PCDH9: variants seen among roughly 807,000 people sequenced by gnomAD.
PCDH9 encodes the protein protocadherin-9.
In PCDH9, 24 loss-of-function variants were observed where a neutral mutation model predicts 70.6. The observed-to-expected ratio is 0.34, with a 90% CI of 0.25 to 0.48. The LOEUF (loss-of-function observed/expected upper bound fraction) is 0.48. Ranked by LOEUF, PCDH9 falls within the 20% of genes least tolerant of loss-of-function variation. PCDH9 has a pLI of 0.99. For missense variants in PCDH9, 1,281 were observed against 1,503.6 expected, an observed-to-expected ratio of 0.85 and a Z score of 2.45; for synonymous variants, 562 against 558.5, an observed-to-expected ratio of 1.01 and a Z score of -0.09.
intron 3 of PCDH9, among the ~76,000 whole-genome samples, chr13:66,712,600 AG>A (rs1483450126): frequency 1.3e-5 from 2 of 152,192 alleles, no homozygotes; most frequent in Non-Finnish European, 2.9e-5. Context: ...GGCAATGCCA[AG>A]CTTCAAAGAA....
intron 2 of PCDH9, among the ~76,000 whole-genome samples, chr13:67,156,737 C>A (rs1282330402): frequency 6.6e-6 from 1 of 152,026 alleles, no homozygotes; most frequent in East Asian, 1.9e-4. Context: ...TTAACACAAG[C>A]CTATAGATGG....
At chr13:66,565,548 T>C (rs2076640836) in intron 4 of PCDH9, among the ~76,000 whole-genome samples, 1 of 152,224 alleles carries the variant, frequency 6.6e-6, no homozygotes, top group South Asian at 2.1e-4. Context: ...GAAATTTATC[T>C]CAATCTTAGA....
Position 66,689,716 on chromosome 13 carries a change from T to G in PCDH9, c.3139-58305A>C, listed in dbSNP as rs540132693. ...ACCTCAAAAAGGTATCTTCGGGTGTTGACTTTCAAATCAAATTTTAATAGA... is the reference window on the plus strand; with the variant it reads ...ACCTCAAAAAGGTATCTTCGGGTGTGGACTTTCAAATCAAATTTTAATAGA... On this transcript the variant is annotated intron_variant, in intron 3 of 4. Transcript: ENST00000377865. Among the ~76,000 whole-genome samples, 234 of 152,206 alleles carry G rather than the reference T, an allele frequency of 1.5e-3. 1 individual carries two copies. The highest frequency in any genetic ancestry group is 8.3e-4 in the South Asian group (4 of 4,824).
intron 2 of PCDH9, among the ~76,000 whole-genome samples, chr13:67,031,059 A>G (rs550938022): frequency 2.0e-5 from 3 of 152,326 alleles, no homozygotes; most frequent in East Asian, 1.9e-4. Flanking sequence ...TTGTATTCAA[A>G]GCATAAGTGA....
intron 3 of PCDH9, among the ~76,000 whole-genome samples, chr13:66,747,546 A>G (rs954962425): frequency 6.6e-6 from 1 of 152,182 alleles, no homozygotes; most frequent in African/African-American, 2.4e-5. Context: ...TAGATTATAC[A>G]TGAAATGCAA....
chr13:66,348,209 G>A (rs1956240045), intron 4 of PCDH9, among the ~76,000 whole-genome samples: 2 of 151,586 alleles, frequency 1.3e-5, no homozygotes, highest in African/African-American at 4.9e-5. Flanking sequence ...GGGTCTTCTA[G>A]GCTTACCAGC....
At chr13:67,138,064 G>A (rs1226778354) in intron 2 of PCDH9, among the ~76,000 whole-genome samples, 2 of 151,738 alleles carry the variant, frequency 1.3e-5, no homozygotes, top group African/African-American at 2.4e-5. Context: ...AGCAGACTGG[G>A]AAGAAGTCCA....
chr13:66,695,313 C>A (rs977793114), intron 3 of PCDH9, among the ~76,000 whole-genome samples: 1 of 152,184 alleles, frequency 6.6e-6, no homozygotes, highest in Non-Finnish European at 1.5e-5. Context: ...GTGACACTGT[C>A]TATTTTCAAT....
At chr13:66,876,447 T>A (rs541244812) in intron 3 of PCDH9, among the ~76,000 whole-genome samples, 102 of 152,240 alleles carry the variant, frequency 6.7e-4, no homozygotes, top group Non-Finnish European at 1.3e-3. Context: ...AAATCCGATT[T>A]ATTGACTCTA....
At chr13:66,847,979 T>C (rs1304150053) in intron 3 of PCDH9, among the ~76,000 whole-genome samples, 27 of 152,180 alleles carry the variant, frequency 1.8e-4, no homozygotes, top group Non-Finnish European at 3.8e-4. Flanking sequence ...AGAGGAGCCA[T>C]TATGATTATT....
At chr13:66,551,703 T>A (rs930028287) in intron 4 of PCDH9, among the ~76,000 whole-genome samples, 1 of 152,126 alleles carries the variant, frequency 6.6e-6, no homozygotes, top group Admixed American at 6.5e-5. Context: ...CAAATTTTGG[T>A]AAATTCAAGG....
chr13:66,591,497 A>G (rs1593742928), intron 4 of PCDH9, among the ~76,000 whole-genome samples: 1 of 151,562 alleles, frequency 6.6e-6, no homozygotes, highest in South Asian at 2.1e-4. Flanking sequence ...AAGAGCAAAA[A>G]TCTCACTTTA....
chr13:66,744,843 C>T (rs2079333692), intron 3 of PCDH9, among the ~76,000 whole-genome samples: 2 of 152,216 alleles, frequency 1.3e-5, no homozygotes, highest in South Asian at 2.1e-4. Context: ...TTAGTTCTGG[C>T]ATTTACTGAC....
intron 2 of PCDH9, among the ~76,000 whole-genome samples, chr13:67,023,143 C>T (rs2035233765): frequency 6.7e-6 from 1 of 150,162 alleles, no homozygotes; most frequent in Admixed American, 6.7e-5. Context: ...GGAAAGCTAT[C>T]ATGAAAATCC....
intron 3 of PCDH9, among the ~76,000 whole-genome samples, chr13:66,764,037 G>C (rs1240209376): frequency 6.6e-6 from 1 of 151,930 alleles, no homozygotes; most frequent in Non-Finnish European, 1.5e-5. Flanking sequence ...GATCTTGGGT[G>C]ATCCACTTGC....
At chr13:67,068,893 A>C (rs2085703946) in intron 2 of PCDH9, among the ~76,000 whole-genome samples, 1 of 152,208 alleles carries the variant, frequency 6.6e-6, no homozygotes, top group Admixed American at 6.6e-5. Flanking sequence ...CTCACATGTT[A>C]CTTTCTTGTC....
chr13:66,618,447 A>C lies in PCDH9; in HGVS notation c.3340+12763T>G, dbSNP rs377133257. Among the ~76,000 whole-genome samples, 6 of 152,294 alleles carry C rather than the reference A, an allele frequency of 3.9e-5. No homozygotes were observed. The South Asian group carries it at 6.2e-4, about 16-fold the overall frequency. On this transcript the variant is annotated intron_variant, in intron 4 of 4. Transcript: ENST00000377865. ...TTAGACAAATTACTATGGTTTCTTA[A>C]AAAATTTCAAATTGTTTTGAAACTC... is the stretch of plus-strand genomic sequence containing the variant.
intron 2 of PCDH9, among the ~76,000 whole-genome samples, chr13:67,052,007 C>T (rs867102193): frequency 6.6e-6 from 1 of 152,104 alleles, no homozygotes; most frequent in Non-Finnish European, 1.5e-5. Context: ...ACATTATTGT[C>T]CAATTTTATA....
chr13:66,865,624 A>G (rs2081560544), intron 3 of PCDH9, among the ~76,000 whole-genome samples: 1 of 152,226 alleles, frequency 6.6e-6, no homozygotes, highest in African/African-American at 2.4e-5. Context: ...CACAAAATGT[A>G]TCTTCCCTCT....
Sources: allele counts gnomAD v4.1 joint callset (sites outside exome capture counted in the v4.1 genomes callset), GRCh38; gene constraint gnomAD v4.1.1; transcripts MANE v1.5; gene names NCBI Gene and HGNC (gene_info 2026-07-23, HGNC 2026-07-21).